GEMIN6: variants seen among roughly 807,000 people sequenced by gnomAD.
GEMIN6 encodes the protein gem-associated protein 6.
GEMIN6 carries 13 observed loss-of-function variants against 14.1 expected under a neutral mutation model. That is an observed-to-expected ratio of 0.92 (90% CI 0.60 to 1.46). GEMIN6 has a LOEUF of 1.46. Among genes scored for constraint, GEMIN6 ranks in the 40% most tolerant of loss-of-function variants. The pLI is 0.00. For synonymous variants in GEMIN6, 87 were observed against 70.0 expected, an observed-to-expected ratio of 1.24 and a Z score of -1.21; for missense variants, 271 against 202.4, an observed-to-expected ratio of 1.34 and a Z score of -2.06.
In GEMIN6 at chr2:38,782,796, C is replaced by CA. The variant is rs879579544; in HGVS notation, c.*921dup. On this transcript the variant is annotated 3_prime_UTR_variant, in exon 3 of 3. Transcript: ENST00000281950. ...TGGGTGACAGAGCGAGACTCCGTCTCAAAAAAAAAAAAAAAAATTATTGGA... is the reference window on the plus strand; with the variant it reads ...TGGGTGACAGAGCGAGACTCCGTCTCAAAAAAAAAAAAAAAAAATTATTGGA... 3,172 of 90,930 alleles carry CA rather than the reference C, an allele frequency of 0.035. 90 individuals carry two copies. Among genetic ancestry groups the CA allele is most frequent in the African/African-American group, 0.11 (2,714 of 24,064 alleles). 5.6% of individuals were successfully genotyped at this position (90,930 alleles called of 1,614,324 possible).
At position 38,783,487 on chromosome 2, in the gene GEMIN6, CTTTTT is replaced by C. The variant is rs59254914; in HGVS notation, c.*1614_*1618del. 0.4 allele frequency: 45,156 copies of C among 111,644 alleles called. 7,592 individuals carry two copies. The highest frequency in any genetic ancestry group is 0.48 in the Admixed American group (4,682 of 9,854). 6.9% of individuals were successfully genotyped at this position (111,644 alleles called of 1,614,324 possible). A position where few individuals can be genotyped will look rare whatever the true frequency, so the allele number is the denominator to read the frequency against. On this transcript the variant is annotated 3_prime_UTR_variant, in exon 3 of 3. Coordinates refer to ENST00000281950, the MANE Select transcript of GEMIN6 (RefSeq NM_024775.10). ...TAGGCATGAGAGCCTCCGTGCCTGGCTTTTTTTTTTTTTTTTTTTTTTTAAAAGAG... is the reference window on the plus strand; with the variant it reads ...TAGGCATGAGAGCCTCCGTGCCTGGCTTTTTTTTTTTTTTTTTTAAAAGAG...
intron 2 of GEMIN6, among the ~76,000 whole-genome samples, chr2:38,780,752 C>T (rs1472757213): frequency 6.6e-6 from 1 of 151,966 alleles, no homozygotes; most frequent in Non-Finnish European, 1.5e-5. Context: ...CCTCAGCCTC[C>T]TAAGTAGCTG....
intron 2 of GEMIN6, 186 bp downstream of exon 2, chr2:38,779,304 C>G (rs1362068698): frequency 5.0e-6 from 3 of 604,924 alleles, no homozygotes; most frequent in Non-Finnish European, 8.8e-6. Context: ...GATCTCGGCT[C>G]TTTGTAACCT....
At chr2:38,779,441 G>C (rs1464039191) in intron 2 of GEMIN6, 1 of 292,564 alleles carries the variant, frequency 3.4e-6, no homozygotes, top group Admixed American at 5.1e-5. Context: ...ATGTTGCCCA[G>C]GTTGGTCTCA....
At position 38,781,697 on chromosome 2, in the gene GEMIN6, G is replaced by T; in HGVS notation, c.309G>T (p.Lys103Asn). Residue 103 changes from lysine (K) to asparagine (N), a missense_variant, in exon 3 of 3, where the codon AAG (lysine) becomes AAT (asparagine). Transcript: ENST00000281950. ...GCCCAGAGGATCTGGAAGAGAGAAA[G>T]AACAGCCTAAAGAAATGGCTTGAGA... ...AYSPEDLEER[K>N]NSLKKWLEKN... 1 of 1,614,122 alleles carries T rather than the reference G, an allele frequency of 6.2e-7. No homozygotes were observed. The highest frequency in any genetic ancestry group is 1.1e-5 in the South Asian group (1 of 91,084).
chr2:38,780,955 G>T (rs536546025), intron 2 of GEMIN6, among the ~76,000 whole-genome samples: 3 of 140,458 alleles, frequency 2.1e-5, no homozygotes, highest in Non-Finnish European at 4.6e-5. Context: ...AACTCTAAAA[G>T]TTAAGTCTAC....
chr2:38,783,291 C>A lies in GEMIN6; in HGVS notation c.*1399C>A. On this transcript the variant is annotated 3_prime_UTR_variant, in exon 3 of 3. Transcript: ENST00000281950. ...CAACCTCTGCCTCCTGAGTTCAAGC[C>A]ATTCTCCTGCCTCAGCCCCCTCAGT... The A allele has an allele frequency of 6.6e-6, 1 of 152,136 alleles. No individual in the cohort carries two copies. The highest frequency in any genetic ancestry group is 1.5e-5 in the Non-Finnish European group (1 of 68,308). The allele number at this position is 152,136 out of a possible 1,614,324, so 9.4% of individuals were successfully genotyped here. A position where few individuals can be genotyped will look rare whatever the true frequency, so the allele number is the denominator to read the frequency against.
chr2:38,784,902 A>T lies in GEMIN6; in HGVS notation c.*3010A>T, dbSNP rs1303196754. The T allele has an allele frequency of 1.3e-5, 2 of 152,168 alleles. No individual in the cohort carries two copies. Among genetic ancestry groups the T allele is most frequent in the African/African-American group, 4.8e-5 (2 of 41,446 alleles). The allele number at this position is 152,168 out of a possible 1,614,324, so 9.4% of individuals were successfully genotyped here. A position where few individuals can be genotyped will look rare whatever the true frequency, so the allele number is the denominator to read the frequency against. ...TTCCCCAGAGGGAGATTCCTCCCCA[A>T]AGCTGGTTGTATTTACTGCCAGTCC... On this transcript the variant is annotated 3_prime_UTR_variant, in exon 3 of 3. Coordinates refer to ENST00000281950, the MANE Select transcript of GEMIN6 (RefSeq NM_024775.10).
At position 38,783,773 on chromosome 2, in the gene GEMIN6, T is replaced by C. The variant is rs1669143963; in HGVS notation, c.*1881T>C. 6.6e-6 allele frequency: 1 copy of C among 152,124 alleles called. No homozygotes were observed. The highest frequency in any genetic ancestry group is 2.4e-5 in the African/African-American group (1 of 41,420). 9.4% of individuals were successfully genotyped at this position (152,124 alleles called of 1,614,324 possible). On this transcript the variant is annotated 3_prime_UTR_variant, in exon 3 of 3. Coordinates refer to ENST00000281950, the MANE Select transcript of GEMIN6 (RefSeq NM_024775.10). Reference sequence around the variant, plus strand: ...TAGCAAGCATCAGAATCAGCAAATATTTAGGTTTCAGGGCCTTTGAATACA... The same window carrying C: ...TAGCAAGCATCAGAATCAGCAAATACTTAGGTTTCAGGGCCTTTGAATACA...
Position 38,783,528 on chromosome 2 carries a change from T to C in GEMIN6, c.*1636T>C, listed in dbSNP as rs543444974. On this transcript the variant is annotated 3_prime_UTR_variant, in exon 3 of 3. Transcript: ENST00000281950. The stretch of plus-strand genomic sequence containing the variant: ...TTTTTTTTAAAAGAGGGTCTTGATA[T>C]GTTGCCCAGGCTTGTCTTCAACTCC... 1.4e-5 allele frequency: 2 copies of C among 144,986 alleles called. No homozygotes were observed. The highest frequency in any genetic ancestry group is 5.1e-5 in the African/African-American group (2 of 39,376). The allele number at this position is 144,986 out of a possible 1,614,324, so 9.0% of individuals were successfully genotyped here. A position where few individuals can be genotyped will look rare whatever the true frequency, so the allele number is the denominator to read the frequency against.
In GEMIN6 at chr2:38,781,646, C is replaced by A; in HGVS notation, c.258C>A (p.Phe86Leu). Residue 86 changes from phenylalanine (F) to leucine (L), a missense_variant, in exon 3 of 3, where the codon TTC becomes TTA. Phe to Leu is a conservative substitution (Grantham distance 22). Coordinates refer to ENST00000281950, the MANE Select transcript of GEMIN6 (RefSeq NM_024775.10). The part of the protein sequence containing the change: ...HRVREKLMHL[F>L]TSGDCKAYSP... Reference sequence around the variant, plus strand: ...TGAGGGAGAAGCTGATGCATTTGTTCACGTCTGGAGACTGCAAAGCATACA... The same window carrying A: ...TGAGGGAGAAGCTGATGCATTTGTTAACGTCTGGAGACTGCAAAGCATACA... 1 of 1,614,164 alleles carries A rather than the reference C, an allele frequency of 6.2e-7. No individual in the cohort carries two copies.
chr2:38,780,099 A>C (rs1394393657), intron 2 of GEMIN6, among the ~76,000 whole-genome samples: 1 of 151,330 alleles, frequency 6.6e-6, no homozygotes, highest in Non-Finnish European at 1.5e-5. Context: ...CGGGTGGATC[A>C]CGAGGTCAGG....
chr2:38,781,563 G>C lies in GEMIN6; in HGVS notation c.175G>C (p.Gly59Arg). The change falls in exon 3 of 3, where the codon GGA becomes CGA. Residue 59 changes from glycine to arginine, a missense_variant. Transcript: ENST00000281950. ...TGAAGATGGCAGCATGTCTGTGACC[G>C]GAATTATGGGACATGCTGTGCAGAC... The part of the protein sequence containing the change: ...FLEDGSMSVT[G>R]IMGHAVQTVE... The C allele has an allele frequency of 1.2e-6, 2 of 1,613,704 alleles. No homozygotes were observed. The highest frequency in any genetic ancestry group is 1.7e-6 in the Non-Finnish European group (2 of 1,179,898).
At chr2:38,780,319 CAA>C (rs1247327380) in intron 2 of GEMIN6, among the ~76,000 whole-genome samples, 6 of 115,190 alleles carry the variant, frequency 5.2e-5, no homozygotes, top group Admixed American at 8.9e-5. Context: ...GACTCCGTCT[CAA>C]AAAAAAAAAA....
rs1669162575 is a variant in GEMIN6, at chr2:38,784,563, C to G, written c.*2671C>G. 6.6e-6 allele frequency: 1 copy of G among 151,110 alleles called. No homozygotes were observed. Among genetic ancestry groups the G allele is most frequent in the Non-Finnish European group, 1.5e-5 (1 of 67,918 alleles). 9.4% of individuals were successfully genotyped at this position (151,110 alleles called of 1,614,324 possible). On this transcript the variant is annotated 3_prime_UTR_variant, in exon 3 of 3. Transcript: ENST00000281950. ...AAAAAAAAGCCACGTAGGAAATTAT[C>G]CACAGCATCAATTGGACTTGATCTT... is the stretch of plus-strand genomic sequence containing the variant.
chr2:38,779,657 TATA>T (rs1268054980), intron 2 of GEMIN6, among the ~76,000 whole-genome samples: 47 of 35,354 alleles, frequency 1.3e-3, no homozygotes, highest in Non-Finnish European at 2.8e-3. Context: ...TATATATATA[TATA>T]TATATTTTTT....
chr2:38,780,636 CT>C (rs200022905), intron 2 of GEMIN6, among the ~76,000 whole-genome samples: 5 of 148,310 alleles, frequency 3.4e-5, no homozygotes, highest in African/African-American at 4.9e-5. Context: ...CTCACCTGAC[CT>C]TTTTTTTTTG....
Position 38,781,906 on chromosome 2 carries a change from G to A in GEMIN6, c.*14G>A, listed in dbSNP as rs759060012. ...GCTTCCCAATGAGAGGCCAGGAAGT[G>A]TGAACATACTGATAGAAAAAGACTA... On this transcript the variant is annotated 3_prime_UTR_variant, in exon 3 of 3. Transcript: ENST00000281950. The A allele has an allele frequency of 3.8e-6, 6 of 1,581,634 alleles. No homozygotes were observed. In the East Asian group the frequency reaches 1.3e-4, roughly 36 times the overall value.
rs540058503 is a variant in GEMIN6 at position 38,780,262 on chromosome 2, G to A, written c.128+1144G>A. On this transcript the variant is annotated intron_variant, in intron 2 of 2. Coordinates refer to ENST00000281950, the MANE Select transcript of GEMIN6 (RefSeq NM_024775.10). ...GTGAAGCTGGGAGGCAGAGCTTGCC[G>A]TGAGCTGAGATCGCGCCACTGCACT... Among the ~76,000 whole-genome samples the A allele has an allele frequency of 9.0e-4, 136 of 151,266 alleles. 2 individuals carry two copies. Among genetic ancestry groups the A allele is most frequent in the Middle Eastern group, 3.4e-3 (1 of 294 alleles).
Sources: gnomAD v4.1 joint callset for allele counts (sites outside exome capture counted in the v4.1 genomes callset) on GRCh38, gnomAD v4.1.1 for gene constraint, MANE v1.5 for transcripts, NCBI Gene and HGNC (gene_info 2026-07-23, HGNC 2026-07-21) for gene names.